The following SCARB2 variants were observed in gnomAD, a reference collection of about 807,000 sequenced individuals.
SCARB2 encodes lysosome membrane protein 2.
SCARB2 carries 29 observed loss-of-function variants against 58.6 expected under a neutral mutation model. The observed-to-expected ratio is 0.49, with a 90% CI of 0.37 to 0.67. The LOEUF (loss-of-function observed/expected upper bound fraction) is 0.67. Among genes scored for constraint, SCARB2 ranks in the 30% least tolerant of loss-of-function variants. The pLI is 0.00. For missense variants in SCARB2, 488 were observed against 578.5 expected (o/e 0.84, Z 1.60); for synonymous variants, 195 against 210.1 (o/e 0.93, Z 0.62).
chr4:76,168,275 C>A (rs1196251367), intron 9 of SCARB2, 128 bp downstream of exon 9: 4 of 776,228 alleles, frequency 5.2e-6, no homozygotes, highest in East Asian at 2.4e-5. Flanking sequence ...GCTGATCATG[C>A]CCCATCCCTG....
chr4:76,214,634 T>G (rs116533523), upstream of SCARB2, among the ~76,000 whole-genome samples: 3,731 of 152,302 alleles, frequency 0.024, 62 homozygotes, highest in Non-Finnish European at 0.037. Context: ...TTGCCTGCTT[T>G]GCTCACTGTG....
intron 1 of SCARB2, among the ~76,000 whole-genome samples, chr4:76,212,475 A>T (rs1311513707): frequency 6.6e-6 from 1 of 152,250 alleles, no homozygotes; most frequent in Non-Finnish European, 1.5e-5. Flanking sequence ...AGTGATTCAA[A>T]GTAGACTAGG....
At chr4:76,217,458 A>G (rs987966048), upstream of SCARB2, 1 of 405,362 alleles carries the variant, frequency 2.5e-6, no homozygotes, top group Non-Finnish European at 4.4e-6. Flanking sequence ...TGCCTCCCTC[A>G]GGCATGAGTG....
rs752953068 is a variant in SCARB2, at chr4:76,176,535, A to G, written c.613-7T>C. 6.5e-7 allele frequency: 1 copy of G among 1,542,366 alleles called. No individual in the cohort carries two copies. Among genetic ancestry groups the G allele is most frequent in the Non-Finnish European group, 9.0e-7 (1 of 1,116,406 alleles). ...CATCATTAGTCCCATTTTTCTGAAA[A>G]TATGTGAATATGATCATTTAAAGTA... On this transcript the variant is annotated splice_polypyrimidine_tract_variant and splice_region_variant and intron_variant, in intron 4 of 11. Transcript: ENST00000264896.
chr4:76,203,679 G>A (rs1732874724), intron 1 of SCARB2, among the ~76,000 whole-genome samples: 1 of 152,174 alleles, frequency 6.6e-6, no homozygotes, highest in African/African-American at 2.4e-5. Flanking sequence ...ACATGGAGTC[G>A]CTGGCCAGGC....
rs142137870 is a variant in SCARB2 at position 76,212,448 on chromosome 4, T to C, written c.117+979A>G. ...ATTGCCACCTGGAATAAAATAGCTTTACTGACTGGAGAGTGCAGTGATTCA... is the reference window on the plus strand; with the variant it reads ...ATTGCCACCTGGAATAAAATAGCTTCACTGACTGGAGAGTGCAGTGATTCA... On this transcript the variant is annotated intron_variant, in intron 1 of 11. Coordinates refer to ENST00000264896, the MANE Select transcript of SCARB2 (RefSeq NM_005506.4). Among the ~76,000 whole-genome samples the C allele has an allele frequency of 3.7e-3, 562 of 152,342 alleles. 10 individuals carry two copies. Among genetic ancestry groups the C allele is most frequent in the African/African-American group, 0.013 (527 of 41,584 alleles).
chr4:76,212,845 A>C (rs145637377), intron 1 of SCARB2, among the ~76,000 whole-genome samples: 67 of 152,352 alleles, frequency 4.4e-4, no homozygotes, highest in Middle Eastern at 3.4e-3. Flanking sequence ...ACAAAGCAAC[A>C]CAGACTGTTG....
At chr4:76,204,931 G>A (rs1434612607) in intron 1 of SCARB2, among the ~76,000 whole-genome samples, 4 of 152,108 alleles carry the variant, frequency 2.6e-5, no homozygotes, top group Admixed American at 6.6e-5. Flanking sequence ...AATTGTGGGC[G>A]CTGGGAGGAC....
intron 4 of SCARB2, chr4:76,176,744 C>T (rs1732258832): frequency 8.7e-6 from 4 of 458,716 alleles, no homozygotes; most frequent in Non-Finnish European, 1.5e-5. Flanking sequence ...CAAAGCCTTA[C>T]AAGCAAAAAC....
At chr4:76,218,791 C>T (rs768085964), upstream of SCARB2, among the ~76,000 whole-genome samples, 3 of 151,900 alleles carry the variant, frequency 2.0e-5, no homozygotes, top group Non-Finnish European at 2.9e-5. Context: ...GGTTGGAGGG[C>T]GAGGAGTCAG....
intron 1 of SCARB2, among the ~76,000 whole-genome samples, chr4:76,233,627 C>G (rs1281616257): frequency 6.6e-6 from 1 of 152,012 alleles, no homozygotes; most frequent in Non-Finnish European, 1.5e-5. Flanking sequence ...AAGCATATAA[C>G]ACACACATAT....
At chr4:76,197,527 C>A (rs1379012427) in intron 1 of SCARB2, among the ~76,000 whole-genome samples, 2 of 152,170 alleles carry the variant, frequency 1.3e-5, no homozygotes, top group Non-Finnish European at 2.9e-5. Context: ...GGCTGCACAC[C>A]CACATATTAT....
At chr4:76,217,102 C>T (rs1458027881), upstream of SCARB2, among the ~76,000 whole-genome samples, 2 of 152,214 alleles carry the variant, frequency 1.3e-5, no homozygotes, top group Non-Finnish European at 2.9e-5. Flanking sequence ...GACATGTCTG[C>T]ACCGCTAATT....
At chr4:76,226,167 C>T (rs1733394789) in intron 1 of SCARB2, among the ~76,000 whole-genome samples, 2 of 152,174 alleles carry the variant, frequency 1.3e-5, no homozygotes, top group African/African-American at 2.4e-5. Flanking sequence ...AGGGAGCCAA[C>T]GCTAGTATGG....
intron 2 of SCARB2, among the ~76,000 whole-genome samples, chr4:76,182,264 AC>A (rs1732401109): frequency 6.6e-6 from 1 of 152,190 alleles, no homozygotes; most frequent in South Asian, 2.1e-4. Context: ...GCCACTAGTC[AC>A]ATGTGACTAC....
chr4:76,159,345 A>G lies in SCARB2; in HGVS notation c.*2368T>C, dbSNP rs929085610. The G allele has an allele frequency of 3.3e-5, 5 of 152,216 alleles. No individual in the cohort carries two copies. Among genetic ancestry groups the G allele is most frequent in the Non-Finnish European group, 5.9e-5 (4 of 68,038 alleles). The allele number at this position is 152,216 out of a possible 1,614,324, so 9.4% of individuals were successfully genotyped here. On this transcript the variant is annotated 3_prime_UTR_variant, in exon 12 of 12. Transcript: ENST00000264896. ...TAGGTGCATTCATTCCTCTTAATCT[A>G]TAATTTTGACTGTAGTTTGTAGATC...
At chr4:76,228,949 C>G (rs756184022) in intron 1 of SCARB2, among the ~76,000 whole-genome samples, 5 of 152,132 alleles carry the variant, frequency 3.3e-5, no homozygotes, top group Non-Finnish European at 5.9e-5. Flanking sequence ...TTAAATTTCT[C>G]TTCTTCCACA....
At chr4:76,216,599 GA>G (rs1733211810), upstream of SCARB2, among the ~76,000 whole-genome samples, 1 of 152,324 alleles carries the variant, frequency 6.6e-6, no homozygotes, top group East Asian at 1.9e-4. Flanking sequence ...AGACAAATTT[GA>G]TAAATGTATC....
At chr4:76,223,271 G>A (rs1423176943) in intron 1 of SCARB2, among the ~76,000 whole-genome samples, 1 of 152,146 alleles carries the variant, frequency 6.6e-6, no homozygotes, top group Non-Finnish European at 1.5e-5. Context: ...ACAGTGCTTG[G>A]CCTGTGAAAG....
Sources: gnomAD v4.1 joint callset for allele counts (sites outside exome capture counted in the v4.1 genomes callset) on GRCh38, gnomAD v4.1.1 for gene constraint, MANE v1.5 for transcripts, NCBI Gene and HGNC (gene_info 2026-07-23, HGNC 2026-07-21) for gene names.